Variants in PCOLCE2 observed in about 807,000 individuals in gnomAD.
PCOLCE2 encodes the protein procollagen C-proteinase enhancer 2.
A neutral mutation model predicts 47.0 loss-of-function variants in PCOLCE2; 42 were observed. The observed-to-expected ratio is 0.89, with a 90% CI of 0.70 to 1.16. PCOLCE2 has a LOEUF of 1.16. Among genes scored for constraint, PCOLCE2 ranks in the 50% most tolerant of loss-of-function variants. The pLI, the probability that PCOLCE2 is intolerant of heterozygous loss-of-function variation, is 0.00. For synonymous variants in PCOLCE2, 169 were observed against 191.7 expected, an observed-to-expected ratio of 0.88 and a Z score of 0.98; for missense variants, 500 against 526.1, an observed-to-expected ratio of 0.95 and a Z score of 0.49.
At chr3:142,888,786 A>G in intron 1 of PCOLCE2, 28 bp downstream of exon 1, 1 of 1,374,532 alleles carries the variant, frequency 7.3e-7, no homozygotes, top group South Asian at 1.5e-5. Context: ...AAAGGAGAGA[A>G]AGGGAGCCCG....
chr3:142,819,747 G>C (rs949606148), intron 8 of PCOLCE2, among the ~76,000 whole-genome samples: 4 of 152,106 alleles, frequency 2.6e-5, no homozygotes, highest in African/African-American at 7.2e-5. Context: ...TTAGGTTCAA[G>C]GCATCCTCTT....
At chr3:142,873,355 T>G (rs143398313) in intron 2 of PCOLCE2, among the ~76,000 whole-genome samples, 2,536 of 147,914 alleles carry the variant, frequency 0.017, 38 homozygotes, top group Middle Eastern at 0.063. Context: ...ATCGCACCAT[T>G]GCACTCCAGC....
chr3:142,843,478 C>T (rs1937290822), intron 3 of PCOLCE2, among the ~76,000 whole-genome samples: 2 of 150,708 alleles, frequency 1.3e-5, no homozygotes, highest in Admixed American at 1.3e-4. Flanking sequence ...GAAAACTTCC[C>T]ATGATATATA....
chr3:142,846,138 G>A (rs764704321), intron 3 of PCOLCE2, among the ~76,000 whole-genome samples: 8 of 152,088 alleles, frequency 5.3e-5, no homozygotes, highest in African/African-American at 1.7e-4. Flanking sequence ...ATGTGCATGG[G>A]GGTGCTTCAT....
intron 8 of PCOLCE2, among the ~76,000 whole-genome samples, chr3:142,819,164 C>T (rs1000711416): frequency 1.3e-5 from 2 of 152,122 alleles, no homozygotes; most frequent in South Asian, 4.1e-4. Context: ...TGCAAAACAT[C>T]GGTGTCAAGA....
In PCOLCE2 at chr3:142,819,240, G is replaced by C. The variant is rs187506706; in HGVS notation, c.1118-775C>G. Among the ~76,000 whole-genome samples, 8 of 152,318 alleles carry C rather than the reference G, an allele frequency of 5.3e-5. No homozygotes were observed. The East Asian group carries it at 1.2e-3, about 22-fold the overall frequency. ...GACTGGCTAAGTTAGGCCTAGACTG[G>C]GGCCTGAGGTGTTGGGTAACTCTGA... On this transcript the variant is annotated intron_variant, in intron 8 of 8. Coordinates refer to ENST00000295992, the MANE Select transcript of PCOLCE2 (RefSeq NM_013363.4).
intron 7 of PCOLCE2, 32 bp downstream of exon 7, chr3:142,823,500 T>G: frequency 7.5e-7 from 1 of 1,341,152 alleles, no homozygotes; most frequent in Non-Finnish European, 1.1e-6. Context: ...AGTTTCTGGT[T>G]AAAGAGAAAA....
chr3:142,874,806 A>G (rs937214121), intron 2 of PCOLCE2, among the ~76,000 whole-genome samples: 3 of 152,166 alleles, frequency 2.0e-5, no homozygotes, highest in Non-Finnish European at 4.4e-5. Context: ...AGATTAATAA[A>G]CATGATTATA....
rs545834848 is a variant in PCOLCE2 at position 142,875,513 on chromosome 3, A to C, written c.192+12156T>G. On this transcript the variant is annotated intron_variant, in intron 2 of 8. Transcript: ENST00000295992. The stretch of plus-strand genomic sequence containing the variant: ...AAGCACTGCATGGTTCAAAATACTC[A>C]AAATAGCCAAAAGGTAGAAGCACAC... Among the ~76,000 whole-genome samples the C allele has an allele frequency of 2.0e-5, 3 of 152,358 alleles. No homozygotes were observed. The East Asian group carries it at 5.8e-4, about 29-fold the overall frequency.
intron 4 of PCOLCE2, among the ~76,000 whole-genome samples, chr3:142,841,511 G>A: frequency 6.6e-6 from 1 of 152,014 alleles, no homozygotes; most frequent in Non-Finnish European, 1.5e-5. Flanking sequence ...ATAATTTCAA[G>A]AATTACATAA....
chr3:142,878,413 A>C (rs1049011665), intron 2 of PCOLCE2, among the ~76,000 whole-genome samples: 1 of 152,216 alleles, frequency 6.6e-6, no homozygotes, highest in Non-Finnish European at 1.5e-5. Flanking sequence ...AGAGTCCCTC[A>C]AAGTGCTATT....
chr3:142,887,656 A>C lies in PCOLCE2; in HGVS notation c.192+13T>G. ...CCCACTTCCAGGAGAATACCTTTTTAAAAAATGCTTACTGTGATTTTCCAA... is the reference window on the plus strand; with the variant it reads ...CCCACTTCCAGGAGAATACCTTTTTCAAAAATGCTTACTGTGATTTTCCAA... On this transcript the variant is annotated intron_variant, in intron 2 of 8. Transcript: ENST00000295992. 1 of 1,378,384 alleles carries C rather than the reference A, an allele frequency of 7.3e-7. No individual in the cohort carries two copies. The allele number at this position is 1,378,384 out of a possible 1,614,324, so 85.4% of individuals were successfully genotyped here. A position where few individuals can be genotyped will look rare whatever the true frequency, so the allele number is the denominator to read the frequency against.
At chr3:142,864,816 A>T (rs1340862905) in intron 2 of PCOLCE2, among the ~76,000 whole-genome samples, 1 of 152,222 alleles carries the variant, frequency 6.6e-6, no homozygotes, top group Non-Finnish European at 1.5e-5. Context: ...TCTGAGGTCC[A>T]TGTAGCATGA....
chr3:142,838,870 G>C lies in PCOLCE2; in HGVS notation c.610C>G (p.Arg204Gly). ...TAATCATATCGGCAGTAGTTATCTCGCTCCACATCAAACTTCTCAAACTTT... is the reference window on the plus strand; with the variant it reads ...TAATCATATCGGCAGTAGTTATCTCCCTCCACATCAAACTTCTCAAACTTT... ...ELKFEKFDVE[R>G]DNYCRYDYVA... The change falls in exon 5 of 9, where the codon CGA becomes GGA. Residue 204 changes from arginine to glycine, a missense_variant. Coordinates refer to ENST00000295992, the MANE Select transcript of PCOLCE2 (RefSeq NM_013363.4). 2 of 1,612,500 alleles carry C rather than the reference G, an allele frequency of 1.2e-6. No individual in the cohort carries two copies. Among genetic ancestry groups the C allele is most frequent in the South Asian group, 1.1e-5 (1 of 91,032 alleles).
Position 142,854,094 on chromosome 3 carries a change from TC to T in PCOLCE2, c.193-5623del, listed in dbSNP as rs1560136231. On this transcript the variant is annotated intron_variant, in intron 2 of 8. Coordinates refer to ENST00000295992, the MANE Select transcript of PCOLCE2 (RefSeq NM_013363.4). ...AAATGCAAACAGGAGGCCAGCTTCT[TC>T]TGTGTGGAGGAGTGCATTTCTGCAG... Among the ~76,000 whole-genome samples the T allele has an allele frequency of 2.0e-5, 3 of 152,240 alleles. 1 individual carries two copies. Among genetic ancestry groups the T allele is most frequent in the African/African-American group, 7.2e-5 (3 of 41,456 alleles).
At chr3:142,880,831 C>G (rs1933598741) in intron 2 of PCOLCE2, among the ~76,000 whole-genome samples, 1 of 152,156 alleles carries the variant, frequency 6.6e-6, no homozygotes, top group Admixed American at 6.5e-5. Flanking sequence ...TCAAACAAAT[C>G]CTTACAAAGG....
At chr3:142,869,617 A>G (rs1377175429) in intron 2 of PCOLCE2, among the ~76,000 whole-genome samples, 1 of 152,176 alleles carries the variant, frequency 6.6e-6, no homozygotes, top group Non-Finnish European at 1.5e-5. Flanking sequence ...TGCATAATAA[A>G]AACCTTGGTC....
intron 4 of PCOLCE2, among the ~76,000 whole-genome samples, chr3:142,840,623 A>C (rs1937253965): frequency 6.6e-6 from 1 of 152,254 alleles, no homozygotes; most frequent in Non-Finnish European, 1.5e-5. Context: ...CCTTTTAAAA[A>C]GTCAGTGCCA....
intron 2 of PCOLCE2, among the ~76,000 whole-genome samples, chr3:142,849,366 A>AT (rs1937365714): frequency 6.6e-6 from 1 of 152,184 alleles, no homozygotes; most frequent in Non-Finnish European, 1.5e-5. Context: ...TCTGAATGTC[A>AT]CTAAGTTTTT....
Sources: gnomAD v4.1 joint callset for allele counts (sites outside exome capture counted in the v4.1 genomes callset) on GRCh38, gnomAD v4.1.1 for gene constraint, MANE v1.5 for transcripts, NCBI Gene and HGNC (gene_info 2026-07-23, HGNC 2026-07-21) for gene names.